The following UNC13C variants were observed in gnomAD, a reference collection of about 807,000 sequenced individuals.
The protein encoded by UNC13C is unc-13 homolog C, also known as protein unc-13 homolog C.
UNC13C carries 174 observed loss-of-function variants against 245.4 expected under a neutral mutation model. The ratio of observed to expected loss-of-function variants is 0.71; its 90% CI spans 0.63 to 0.80. UNC13C has a LOEUF of 0.80. UNC13C is among the 30% of genes least tolerant of loss of function. UNC13C has a pLI of 0.00. For synonymous variants in UNC13C, 992 were observed against 895.1 expected (o/e 1.11, Z -1.93); for missense variants, 2,829 against 2,602.9 (o/e 1.09, Z -1.89).
chr15:54,489,040 A>G (rs374260640), intron 19 of UNC13C, among the ~76,000 whole-genome samples: 23 of 152,290 alleles, frequency 1.5e-4, no homozygotes, highest in Middle Eastern at 3.4e-3. Flanking sequence ...TGATATGACA[A>G]TATCTTACAT....
chr15:54,402,134 A>T (rs1041218975), intron 18 of UNC13C, among the ~76,000 whole-genome samples: 2 of 152,122 alleles, frequency 1.3e-5, no homozygotes, highest in African/African-American at 2.4e-5. Flanking sequence ...TCCTACAAGC[A>T]ATCAGTTTTG....
intron 2 of UNC13C, among the ~76,000 whole-genome samples, chr15:54,116,347 G>A (rs189396978): frequency 3.6e-4 from 54 of 152,086 alleles, no homozygotes; most frequent in African/African-American, 1.3e-3. Flanking sequence ...TCACACTTCT[G>A]TTCTATTGAA....
intron 4 of UNC13C, among the ~76,000 whole-genome samples, chr15:54,166,113 C>T (rs1897053): frequency 0.52 from 79,272 of 151,796 alleles, 20,894 homozygotes; most frequent in Middle Eastern, 0.57. Context: ...CAGTTTATCA[C>T]ATTTTGAATG....
At chr15:53,920,180 G>A in the UNC13C span, among the ~76,000 whole-genome samples, 1 of 152,080 alleles carries the variant, frequency 6.6e-6, no homozygotes, top group South Asian at 2.1e-4. Context: ...GGATATTAAG[G>A]TTGTTTCTAT....
At chr15:54,506,429 A>C (rs1894480099) in intron 22 of UNC13C, among the ~76,000 whole-genome samples, 1 of 152,082 alleles carries the variant, frequency 6.6e-6, no homozygotes, top group Non-Finnish European at 1.5e-5. Context: ...TCATCTGTTT[A>C]CCAGGATTTA....
chr15:54,496,379 G>T (rs1285709058), intron 20 of UNC13C, among the ~76,000 whole-genome samples: 1 of 151,940 alleles, frequency 6.6e-6, no homozygotes, highest in Non-Finnish European at 1.5e-5. Context: ...AAAAGAAAGA[G>T]GAAAGGTGAA....
chr15:54,559,750 T>A (rs749805349), intron 29 of UNC13C, among the ~76,000 whole-genome samples: 1 of 151,870 alleles, frequency 6.6e-6, no homozygotes, highest in Non-Finnish European at 1.5e-5. Flanking sequence ...GAGAAAGACA[T>A]TGCAGGCCTA....
intron 19 of UNC13C, among the ~76,000 whole-genome samples, chr15:54,429,690 A>T (rs565930505): frequency 3.3e-5 from 5 of 151,732 alleles, no homozygotes; most frequent in Non-Finnish European, 7.4e-5. Flanking sequence ...TTCAGATTTT[A>T]TCATTTACTA....
intron 2 of UNC13C, among the ~76,000 whole-genome samples, chr15:54,116,256 GTCTTT>G (rs905384855): frequency 3.3e-5 from 5 of 151,860 alleles, no homozygotes; most frequent in African/African-American, 1.2e-4. Context: ...TTAATTATTT[GTCTTT>G]TCTTTATGCT....
intron 4 of UNC13C, among the ~76,000 whole-genome samples, chr15:54,184,713 T>G (rs1431699024): frequency 6.6e-6 from 1 of 152,196 alleles, no homozygotes; most frequent in Non-Finnish European, 1.5e-5. Flanking sequence ...TTGTGAATAG[T>G]GCCGCAATAA....
At chr15:54,411,101 T>C (rs2040408134) in intron 18 of UNC13C, among the ~76,000 whole-genome samples, 1 of 152,200 alleles carries the variant, frequency 6.6e-6, no homozygotes, top group Non-Finnish European at 1.5e-5. Context: ...ACTAATAATG[T>C]TGAGCCTATT....
At chr15:54,186,202 C>A (rs1471588559) in intron 4 of UNC13C, among the ~76,000 whole-genome samples, 1 of 152,116 alleles carries the variant, frequency 6.6e-6, no homozygotes, top group African/African-American at 2.4e-5. Flanking sequence ...GATATACAAT[C>A]ATGTCATCTG....
At chr15:54,034,272 G>A (rs1016879791) in intron 2 of UNC13C, among the ~76,000 whole-genome samples, 3 of 152,188 alleles carry the variant, frequency 2.0e-5, no homozygotes, top group African/African-American at 2.4e-5. Flanking sequence ...GTAAGCTACT[G>A]AAGCAGCTTG....
chr15:53,900,148 A>G, the UNC13C span, among the ~76,000 whole-genome samples: 1 of 152,180 alleles, frequency 6.6e-6, no homozygotes, highest in Non-Finnish European at 1.5e-5. Flanking sequence ...TATTTAATTC[A>G]AAATTAATGA....
intron 2 of UNC13C, among the ~76,000 whole-genome samples, chr15:54,019,018 A>C (rs937236956): frequency 1.3e-5 from 2 of 152,236 alleles, no homozygotes; most frequent in East Asian, 1.9e-4. Context: ...ACTCAGAAGA[A>C]TAGACATAAA....
At chr15:54,576,307 A>G (rs916727518) in intron 30 of UNC13C, among the ~76,000 whole-genome samples, 2 of 152,210 alleles carry the variant, frequency 1.3e-5, no homozygotes, top group African/African-American at 4.8e-5. Flanking sequence ...AAATCAGTCT[A>G]TCATTATTCC....
intron 8 of UNC13C, among the ~76,000 whole-genome samples, chr15:54,255,987 A>G (rs1371398329): frequency 6.6e-6 from 1 of 152,228 alleles, no homozygotes; most frequent in Non-Finnish European, 1.5e-5. Context: ...TATGCTTTGC[A>G]TAATGCCGTA....
intron 2 of UNC13C, among the ~76,000 whole-genome samples, chr15:54,106,259 C>G (rs1386498182): frequency 6.6e-6 from 1 of 152,026 alleles, no homozygotes. Context: ...TATGTAGAAC[C>G]AGCTCTGAAG....
intron 17 of UNC13C, among the ~76,000 whole-genome samples, chr15:54,392,200 A>T (rs1045901990): frequency 6.6e-6 from 1 of 152,074 alleles, no homozygotes; most frequent in African/African-American, 2.4e-5. Context: ...ACACCCACCA[A>T]AATAAATGAC....
Sources: allele counts gnomAD v4.1 joint callset (sites outside exome capture counted in the v4.1 genomes callset), GRCh38; gene constraint gnomAD v4.1.1; transcripts MANE v1.5; gene names NCBI Gene and HGNC (gene_info 2026-07-23, HGNC 2026-07-21).